The following SEL1L2 variants were observed in gnomAD, a reference collection of about 807,000 sequenced individuals.
The protein encoded by SEL1L2 is protein sel-1 homolog 2.
In SEL1L2, 89 loss-of-function variants were observed where a neutral mutation model predicts 98.8. That is an observed-to-expected ratio of 0.90 (90% CI 0.76 to 1.07). The LOEUF (loss-of-function observed/expected upper bound fraction) is 1.07, where lower values mean the gene tolerates loss of function less well. SEL1L2 is among the 50% of genes least tolerant of loss of function. The pLI is 0.00. For synonymous variants in SEL1L2, 262 were observed against 278.5 expected (o/e 0.94, Z 0.59); for missense variants, 788 against 812.0 (o/e 0.97, Z 0.36).
At chr20:13,856,515 C>T (rs181273894) in intron 18 of SEL1L2, among the ~76,000 whole-genome samples, 21 of 152,214 alleles carry the variant, frequency 1.4e-4, no homozygotes, top group African/African-American at 4.8e-4. Flanking sequence ...CCTCCCCAGG[C>T]ATTATTCAGT....
Position 13,913,940 on chromosome 20 carries a change from A to G in SEL1L2, c.391T>C (p.Tyr131His). Reference protein sequence around the residue: ...SKSQKQKEEAYLLFAKAADMG... With the variant: ...SKSQKQKEEAHLLFAKAADMG... ...TCAGCTGCTTTGGCAAAAAGTAGGT[A>G]GGCTCTGTTTCAAGAATATAAAGTC... Residue 131 changes from tyrosine (Y) to histidine (H), a missense_variant, in exon 5 of 20, where the codon TAC becomes CAC. Transcript: ENST00000284951. The G allele has an allele frequency of 1.3e-6, 2 of 1,563,038 alleles. No individual in the cohort carries two copies.
At chr20:13,909,387 A>G (rs1457293999) in intron 5 of SEL1L2, among the ~76,000 whole-genome samples, 5 of 152,242 alleles carry the variant, frequency 3.3e-5, no homozygotes, top group Non-Finnish European at 5.9e-5. Flanking sequence ...ACAAGGAAAT[A>G]CACCAACTGC....
intron 11 of SEL1L2, among the ~76,000 whole-genome samples, chr20:13,877,013 G>A (rs966669761): frequency 3.3e-5 from 5 of 151,878 alleles, no homozygotes; most frequent in African/African-American, 7.3e-5. Flanking sequence ...TAGTAGAGAC[G>A]GGGGTTTCAC....
At chr20:13,943,156 T>G (rs2049857507) in intron 2 of SEL1L2, among the ~76,000 whole-genome samples, 1 of 152,220 alleles carries the variant, frequency 6.6e-6, no homozygotes, top group South Asian at 2.1e-4. Context: ...TTATTGTGTA[T>G]TTGCATATCC....
At chr20:13,907,675 T>C (rs1244915241) in intron 5 of SEL1L2, among the ~76,000 whole-genome samples, 1 of 151,828 alleles carries the variant, frequency 6.6e-6, no homozygotes, top group Non-Finnish European at 1.5e-5. Context: ...GAGTAATTTC[T>C]CTTTTTCTCT....
At chr20:13,873,279 C>T (rs1449907274) in intron 12 of SEL1L2, among the ~76,000 whole-genome samples, 1 of 152,092 alleles carries the variant, frequency 6.6e-6, no homozygotes, top group South Asian at 2.1e-4. Context: ...GTGTGAGCCA[C>T]CATGCCTAGC....
intron 18 of SEL1L2, among the ~76,000 whole-genome samples, chr20:13,855,358 T>C (rs1988981376): frequency 6.6e-6 from 1 of 152,058 alleles, no homozygotes; most frequent in Middle Eastern, 3.2e-3. Flanking sequence ...AAAAAGTAAA[T>C]AAGATTCTTT....
chr20:13,990,464 C>T lies in SEL1L2; in HGVS notation c.58+13G>A, dbSNP rs370105769. 4 of 1,595,050 alleles carry T rather than the reference C, an allele frequency of 2.5e-6. No individual in the cohort carries two copies. The highest frequency in any genetic ancestry group is 2.6e-6 in the Non-Finnish European group (3 of 1,163,468). On this transcript the variant is annotated intron_variant, in intron 1 of 19. Transcript: ENST00000284951. Reference sequence around the variant, plus strand: ...AGACCCTCATAGAGAACTCTAAGGACAAAAAAACTTACTTTTAATTGTGAC... The same window carrying T: ...AGACCCTCATAGAGAACTCTAAGGATAAAAAAACTTACTTTTAATTGTGAC...
intron 1 of SEL1L2, among the ~76,000 whole-genome samples, chr20:13,979,071 G>C (rs560949607): frequency 6.6e-6 from 1 of 151,910 alleles, no homozygotes; most frequent in African/African-American, 2.4e-5. Context: ...AAAGAAAAAA[G>C]AGAAAAGAAA....
chr20:13,969,026 C>T (rs1011160674), intron 1 of SEL1L2, among the ~76,000 whole-genome samples: 4 of 152,106 alleles, frequency 2.6e-5, no homozygotes, highest in African/African-American at 9.7e-5. Flanking sequence ...AGAAATAGGG[C>T]ACTAAAGCTT....
chr20:13,947,687 C>A (rs1162930147), intron 2 of SEL1L2, among the ~76,000 whole-genome samples: 1 of 152,204 alleles, frequency 6.6e-6, no homozygotes, highest in Non-Finnish European at 1.5e-5. Flanking sequence ...CTAGGGACTC[C>A]CTGAGCCAGG....
chr20:13,901,640 T>C (rs996282464), intron 5 of SEL1L2, among the ~76,000 whole-genome samples: 1 of 151,806 alleles, frequency 6.6e-6, no homozygotes, highest in African/African-American at 2.4e-5. Context: ...GGAATCTTTT[T>C]TTTAAATTTT....
chr20:13,906,866 A>T (rs1176371452), intron 5 of SEL1L2, among the ~76,000 whole-genome samples: 2 of 152,078 alleles, frequency 1.3e-5, no homozygotes, highest in African/African-American at 2.4e-5. Context: ...TTTAGTAGAG[A>T]CGGAGGTTCA....
intron 1 of SEL1L2, among the ~76,000 whole-genome samples, chr20:13,985,462 T>G (rs2148572431): frequency 6.6e-6 from 1 of 152,328 alleles, no homozygotes; most frequent in Admixed American, 6.5e-5. Flanking sequence ...TTGTGAAGCC[T>G]TTCTGACTAC....
chr20:13,878,029 C>G lies in SEL1L2; in HGVS notation c.958-441G>C, dbSNP rs145409393. Among the ~76,000 whole-genome samples the G allele has an allele frequency of 9.2e-5, 14 of 152,254 alleles. No individual in the cohort carries two copies. In the East Asian group the frequency reaches 2.7e-3, roughly 29 times the overall value. On this transcript the variant is annotated intron_variant, in intron 10 of 19. Transcript: ENST00000284951. ...GCTAATGTTTGTAGGCAGAGTAAGA[C>G]CAGACACACTTGGCCGGCTGCTGAG...
At chr20:13,972,674 T>TA (rs1256516597) in intron 1 of SEL1L2, among the ~76,000 whole-genome samples, 1 of 152,248 alleles carries the variant, frequency 6.6e-6, no homozygotes, top group African/African-American at 2.4e-5. Flanking sequence ...TATAGAATTC[T>TA]AAGTTCAAAA....
At chr20:13,905,260 G>A (rs895097342) in intron 5 of SEL1L2, among the ~76,000 whole-genome samples, 1 of 151,926 alleles carries the variant, frequency 6.6e-6, no homozygotes, top group Non-Finnish European at 1.5e-5. Flanking sequence ...AAGATCTTAC[G>A]GGCTATCGTG....
At chr20:13,986,670 G>A (rs942670335) in intron 1 of SEL1L2, among the ~76,000 whole-genome samples, 6 of 152,084 alleles carry the variant, frequency 3.9e-5, no homozygotes, top group African/African-American at 1.4e-4. Flanking sequence ...CAATATTTGG[G>A]TTGTTTCCAC....
chr20:13,850,997 G>A (rs1022582694), intron 18 of SEL1L2, among the ~76,000 whole-genome samples: 1 of 152,144 alleles, frequency 6.6e-6, no homozygotes, highest in Non-Finnish European at 1.5e-5. Flanking sequence ...AGTACTTTGG[G>A]AGGCCAAGGC....
Sources: allele counts gnomAD v4.1 joint callset (sites outside exome capture counted in the v4.1 genomes callset), GRCh38; gene constraint gnomAD v4.1.1; transcripts MANE v1.5; gene names NCBI Gene and HGNC (gene_info 2026-07-23, HGNC 2026-07-21).